Variants in PVT1 observed in about 807,000 individuals in gnomAD.
PVT1 encodes CXCR4/PVT1 fusion.
chr8:128,041,206 CAT>C (rs1813529940), intron 4 of PVT1, among the ~76,000 whole-genome samples: 1 of 58,230 alleles, frequency 1.7e-5, no homozygotes, highest in Admixed American at 2.0e-4. Context: ...CGTGTGTTTG[CAT>C]GTGTGTTTGT....
chr8:127,974,934 TTATAA>T (rs1816805901), intron 3 of PVT1, among the ~76,000 whole-genome samples: 1 of 152,160 alleles, frequency 6.6e-6, no homozygotes, highest in African/African-American at 2.4e-5. Flanking sequence ...AACATTTTTA[TTATAA>T]TATATCCTAA....
chr8:127,980,498 A>G, intron 3 of PVT1, among the ~76,000 whole-genome samples: 1 of 152,114 alleles, frequency 6.6e-6, no homozygotes, highest in Non-Finnish European at 1.5e-5. Flanking sequence ...GTTCCCTAGA[A>G]GGTGGCTTAT....
intron 2 of PVT1, among the ~76,000 whole-genome samples, chr8:127,860,480 G>C (rs1815210574): frequency 6.6e-6 from 1 of 152,034 alleles, no homozygotes; most frequent in Non-Finnish European, 1.5e-5. Context: ...GAGAAGACAA[G>C]GCAGCTGGGC....
At chr8:127,943,982 T>C (rs982504756) in intron 3 of PVT1, among the ~76,000 whole-genome samples, 12 of 152,216 alleles carry the variant, frequency 7.9e-5, no homozygotes, top group Non-Finnish European at 1.6e-4. Flanking sequence ...AGAGGCAAGA[T>C]AGTCTAGTGC....
chr8:127,889,283 C>T (rs996213500), intron 2 of PVT1, among the ~76,000 whole-genome samples: 2 of 151,934 alleles, frequency 1.3e-5, no homozygotes, highest in African/African-American at 4.8e-5. Flanking sequence ...GCATGCACCA[C>T]CACACCCAGC....
At chr8:128,075,300 G>A (rs1814071340) in intron 5 of PVT1, among the ~76,000 whole-genome samples, 1 of 152,028 alleles carries the variant, frequency 6.6e-6, no homozygotes, top group Admixed American at 6.5e-5. Flanking sequence ...TTATAAGCAG[G>A]AAACCTCCTC....
intron 2 of PVT1, among the ~76,000 whole-genome samples, chr8:127,853,844 G>T (rs943630527): frequency 3.9e-5 from 6 of 151,952 alleles, no homozygotes; most frequent in Non-Finnish European, 7.4e-5. Context: ...GAGAAGAAAG[G>T]CGGGGCACGA....
intron 2 of PVT1, among the ~76,000 whole-genome samples, chr8:127,865,387 A>G (rs1252065612): frequency 6.6e-6 from 1 of 152,216 alleles, no homozygotes; most frequent in Non-Finnish European, 1.5e-5. Flanking sequence ...GTCATATGCC[A>G]TACAGAGAAG....
chr8:128,078,847 G>A (rs148999851), intron 5 of PVT1, among the ~76,000 whole-genome samples: 6 of 152,182 alleles, frequency 3.9e-5, no homozygotes, highest in East Asian at 1.9e-4. Flanking sequence ...ATGCAGTGGC[G>A]CAAACATGGC....
At chr8:127,956,941 G>T (rs1816577426) in intron 3 of PVT1, among the ~76,000 whole-genome samples, 1 of 152,038 alleles carries the variant, frequency 6.6e-6, no homozygotes, top group Non-Finnish European at 1.5e-5. Flanking sequence ...CATTATTATG[G>T]TAGGCACTAT....
At chr8:127,909,234 CTAT>C (rs1254375376) in intron 3 of PVT1, among the ~76,000 whole-genome samples, 1 of 152,224 alleles carries the variant, frequency 6.6e-6, no homozygotes, top group African/African-American at 2.4e-5. Flanking sequence ...TTGTCCTTGC[CTAT>C]TGGCTACTTT....
chr8:128,002,536 A>C (rs1817192643), intron 4 of PVT1, among the ~76,000 whole-genome samples: 1 of 152,234 alleles, frequency 6.6e-6, no homozygotes, highest in Non-Finnish European at 1.5e-5. Context: ...TTCTCCCTGC[A>C]GATGCCCAGA....
At chr8:127,885,910 G>C (rs1305623366) in intron 2 of PVT1, among the ~76,000 whole-genome samples, 2 of 151,998 alleles carry the variant, frequency 1.3e-5, no homozygotes, top group African/African-American at 4.8e-5. Context: ...TCTTCCTCTT[G>C]GGTCTAAAAG....
At chr8:127,843,754 G>GT (rs74206865) in intron 2 of PVT1, among the ~76,000 whole-genome samples, 1 of 151,394 alleles carries the variant, frequency 6.6e-6, no homozygotes, top group Non-Finnish European at 1.5e-5. Context: ...CTGTTTGGCT[G>GT]TTTTTTTAAT....
chr8:127,920,310 C>T (rs924998343), intron 3 of PVT1, among the ~76,000 whole-genome samples: 2 of 152,200 alleles, frequency 1.3e-5, no homozygotes, highest in Admixed American at 6.5e-5. Flanking sequence ...GTTACTCATT[C>T]GCTTTGTAAA....
At chr8:127,995,155 G>A (rs1171059602) in intron 4 of PVT1, among the ~76,000 whole-genome samples, 1 of 152,154 alleles carries the variant, frequency 6.6e-6, no homozygotes, top group African/African-American at 2.4e-5. Flanking sequence ...TGCCCTTTGA[G>A]TGTTGAGCCC....
At chr8:127,835,576 C>T (rs989712298) in intron 2 of PVT1, among the ~76,000 whole-genome samples, 3 of 152,102 alleles carry the variant, frequency 2.0e-5, no homozygotes, top group African/African-American at 4.8e-5. Flanking sequence ...AACAAACCTG[C>T]GTGTTCTGTA....
intron 2 of PVT1, among the ~76,000 whole-genome samples, chr8:127,823,660 C>T (rs1249689921): frequency 6.6e-6 from 1 of 152,148 alleles, no homozygotes; most frequent in African/African-American, 2.4e-5. Context: ...CCCCTCTTGC[C>T]ACTTGTACTT....
chr8:127,817,377 A>T (rs548160055), intron 2 of PVT1, among the ~76,000 whole-genome samples: 1,130 of 106,704 alleles, frequency 0.011, 16 homozygotes, highest in African/African-American at 0.042. Flanking sequence ...CTATTTAAAT[A>T]TATATATCTA....
Sources: allele counts gnomAD v4.1 joint callset (sites outside exome capture counted in the v4.1 genomes callset), GRCh38; gene constraint gnomAD v4.1.1; transcripts MANE v1.5; gene names NCBI Gene and HGNC (gene_info 2026-07-23, HGNC 2026-07-21).